LSM12: variants seen among roughly 807,000 people sequenced by gnomAD.
LSM12 encodes the protein LSM12 homolog.
For missense variants in LSM12, 108 were observed against 238.9 expected, an observed-to-expected ratio of 0.45 and a Z score of 3.61; for synonymous variants, 74 against 87.3, an observed-to-expected ratio of 0.85 and a Z score of 0.85.
intron 2 of LSM12, among the ~76,000 whole-genome samples, chr17:44,043,711 G>A (rs1167618760): frequency 6.6e-6 from 1 of 151,650 alleles, no homozygotes; most frequent in Admixed American, 6.6e-5. Flanking sequence ...GCTCACGCCT[G>A]TAATCCCAGC....
rs1193163733 is a variant in LSM12, at chr17:44,041,285, AAACAAACAC to A, written c.259-1038_259-1030del. On this transcript the variant is annotated intron_variant, in intron 2 of 4. Coordinates refer to ENST00000293406, the MANE Select transcript of LSM12 (RefSeq NM_001371445.1). ...GACTCTGTCTCTTTAAAAAAAAAAAAAACAAACACACACACACACACACACACACACACA... is the reference window on the plus strand; with the variant it reads ...GACTCTGTCTCTTTAAAAAAAAAAAAACACACACACACACACACACACACA... Among the ~76,000 whole-genome samples, 6 of 104,340 alleles carry A rather than the reference AAACAAACAC, an allele frequency of 5.8e-5. No individual in the cohort carries two copies. The East Asian group carries it at 2.4e-3, about 41-fold the overall frequency. 68.5% of individuals were successfully genotyped at this position (104,340 alleles called of 152,430 possible). A position where few individuals can be genotyped will look rare whatever the true frequency, so the allele number is the denominator to read the frequency against.
At chr17:44,040,001 C>T (rs577436547) in intron 3 of LSM12, 146 bp downstream of exon 3, 2 of 579,380 alleles carry the variant, frequency 3.5e-6, no homozygotes, top group African/African-American at 3.7e-5. Context: ...ACAGCACCTG[C>T]ACCTCTGGAT....
chr17:44,048,584 C>G (rs917585928), intron 2 of LSM12, among the ~76,000 whole-genome samples: 3 of 151,844 alleles, frequency 2.0e-5, no homozygotes, highest in African/African-American at 7.3e-5. Context: ...CACTACCAAT[C>G]AGTTAGAAGC....
In LSM12 at chr17:44,034,579, T is replaced by C. The variant is rs962622427; in HGVS notation, c.*1629A>G. On this transcript the variant is annotated 3_prime_UTR_variant, in exon 5 of 5. Transcript: ENST00000293406. Reference sequence around the variant, plus strand: ...AGAGAAAGGTCAAATCAGACAGACATACCTTGGATCCTCTCCCCTGGGGCC... The same window carrying C: ...AGAGAAAGGTCAAATCAGACAGACACACCTTGGATCCTCTCCCCTGGGGCC... 5.9e-5 allele frequency: 9 copies of C among 152,406 alleles called. No individual in the cohort carries two copies. Among genetic ancestry groups the C allele is most frequent in the Non-Finnish European group, 1.0e-4 (7 of 68,016 alleles). 9.4% of individuals were successfully genotyped at this position (152,406 alleles called of 1,614,324 possible).
At chr17:44,054,100 C>G (rs755986348) in intron 2 of LSM12, among the ~76,000 whole-genome samples, 46 of 152,160 alleles carry the variant, frequency 3.0e-4, no homozygotes, top group Non-Finnish European at 3.4e-4. Flanking sequence ...TTCTCCTACT[C>G]CCCACTTCCA....
chr17:44,055,507 CA>C (rs893366294), intron 2 of LSM12, among the ~76,000 whole-genome samples: 2,277 of 64,994 alleles, frequency 0.035, 56 homozygotes, highest in African/African-American at 0.1. Context: ...ACCAAAAATA[CA>C]AAAAAAAAAA....
rs139194114 is a variant in LSM12, at chr17:44,057,181, G to A, written c.258+6620C>T. On this transcript the variant is annotated intron_variant, in intron 2 of 4. Coordinates refer to ENST00000293406, the MANE Select transcript of LSM12 (RefSeq NM_001371445.1). ...TCTTTTTTTTTTGAGACGGAGTCTC[G>A]CTCTGTCTCCCAGGCTGGAGTGCAG... Among the ~76,000 whole-genome samples the A allele has an allele frequency of 5.8e-3, 859 of 148,374 alleles. 10 individuals are homozygous for A. The highest frequency in any genetic ancestry group is 0.02 in the African/African-American group (801 of 40,600).
chr17:44,045,248 G>T (rs928220443), intron 2 of LSM12, among the ~76,000 whole-genome samples: 4 of 151,984 alleles, frequency 2.6e-5, no homozygotes, highest in African/African-American at 9.7e-5. Flanking sequence ...GGCTGGTCTC[G>T]AACTCCTGAC....
At chr17:44,041,057 G>C (rs2049480823) in intron 2 of LSM12, among the ~76,000 whole-genome samples, 1 of 144,930 alleles carries the variant, frequency 6.9e-6, no homozygotes, top group African/African-American at 2.6e-5. Context: ...GCATCACTGA[G>C]GTAGGGAGTT....
chr17:44,039,365 C>G (rs1176208264), intron 3 of LSM12, among the ~76,000 whole-genome samples: 1 of 51,058 alleles, frequency 2.0e-5, no homozygotes, highest in South Asian at 1.2e-3. Context: ...AACAAAATGT[C>G]TTTTTTTTTT....
intron 2 of LSM12, among the ~76,000 whole-genome samples, chr17:44,043,258 C>G (rs115475769): frequency 6.6e-6 from 1 of 152,234 alleles, no homozygotes; most frequent in African/African-American, 2.4e-5. Context: ...CTGCAGTGAT[C>G]TGAAGCCAGA....
At chr17:44,058,797 C>T (rs1238321224) in intron 2 of LSM12, among the ~76,000 whole-genome samples, 10 of 151,956 alleles carry the variant, frequency 6.6e-5, no homozygotes, top group Admixed American at 2.0e-4. Flanking sequence ...ACGGCACCAC[C>T]GCACTCCAGC....
At chr17:44,060,298 C>T (rs2049779773) in intron 2 of LSM12, among the ~76,000 whole-genome samples, 1 of 152,150 alleles carries the variant, frequency 6.6e-6, no homozygotes, top group Non-Finnish European at 1.5e-5. Context: ...TTAAATGATC[C>T]TCCATCTTAA....
intron 2 of LSM12, among the ~76,000 whole-genome samples, 189 bp downstream of exon 2, chr17:44,063,612 T>C (rs1372445772): frequency 6.6e-6 from 1 of 152,292 alleles, no homozygotes; most frequent in East Asian, 1.9e-4. Context: ...AAGCTACTTC[T>C]TAAGATCTAC....
intron 2 of LSM12, among the ~76,000 whole-genome samples, chr17:44,052,496 C>T (rs2049659162): frequency 6.6e-6 from 1 of 152,018 alleles, no homozygotes; most frequent in Non-Finnish European, 1.5e-5. Flanking sequence ...CGGTGGCTCA[C>T]ACTTGTAATC....
chr17:44,050,718 A>G (rs1294531397), intron 2 of LSM12, among the ~76,000 whole-genome samples: 1 of 150,396 alleles, frequency 6.6e-6, no homozygotes. Context: ...ATGGGGTTTC[A>G]CCCTGTTGGC....
chr17:44,053,079 T>C (rs2049667804), intron 2 of LSM12, among the ~76,000 whole-genome samples: 1 of 152,128 alleles, frequency 6.6e-6, no homozygotes, highest in Admixed American at 6.6e-5. Context: ...ATCCCTTTTC[T>C]CTTCCTTCCC....
chr17:44,061,155 T>C (rs2049790434), intron 2 of LSM12, among the ~76,000 whole-genome samples: 1 of 151,840 alleles, frequency 6.6e-6, no homozygotes, highest in Non-Finnish European at 1.5e-5. Context: ...CCGTCTCTAC[T>C]AAAAATACAA....
intron 2 of LSM12, among the ~76,000 whole-genome samples, chr17:44,049,036 A>G (rs2049608206): frequency 6.6e-6 from 1 of 152,050 alleles, no homozygotes; most frequent in Non-Finnish European, 1.5e-5. Flanking sequence ...TGAAAATACA[A>G]AAATTAGCAC....
Sources: allele counts gnomAD v4.1 joint callset (sites outside exome capture counted in the v4.1 genomes callset), GRCh38; gene constraint gnomAD v4.1.1; transcripts MANE v1.5; gene names NCBI Gene and HGNC (gene_info 2026-07-23, HGNC 2026-07-21).